CCSER1: variants seen among roughly 807,000 people sequenced by gnomAD.
CCSER1 encodes the protein serine-rich coiled-coil domain-containing protein 1.
Under a neutral mutation model 82.0 loss-of-function variants are expected in CCSER1, and 41 were observed. The ratio of observed to expected loss-of-function variants is 0.50; its 90% CI spans 0.39 to 0.65. The LOEUF is 0.65. Ranked by LOEUF, CCSER1 falls within the 30% of genes least tolerant of loss-of-function variation. The probability of loss-of-function intolerance (pLI) is 0.00; values close to 1 mark genes in which losing one functional copy is unlikely to be tolerated. For missense variants in CCSER1, 1,119 were observed against 1,064.2 expected (o/e 1.05, Z -0.72); for synonymous variants, 414 against 383.9 (o/e 1.08, Z -0.92).
chr4:90,938,240 C>T (rs909501051), intron 9 of CCSER1, among the ~76,000 whole-genome samples: 2 of 151,928 alleles, frequency 1.3e-5, no homozygotes, highest in Non-Finnish European at 2.9e-5. Flanking sequence ...TTATTTAGTA[C>T]TTTGGATGGT....
At chr4:90,171,435 CT>C (rs1731653175) in intron 1 of CCSER1, among the ~76,000 whole-genome samples, 1 of 151,860 alleles carries the variant, frequency 6.6e-6, no homozygotes, top group African/African-American at 2.4e-5. Context: ...CTTGTCTCAG[CT>C]TTGTTTTTGC....
At chr4:91,437,504 G>T (rs1754738670) in intron 10 of CCSER1, among the ~76,000 whole-genome samples, 1 of 152,244 alleles carries the variant, frequency 6.6e-6, no homozygotes, top group African/African-American at 2.4e-5. Flanking sequence ...GGGCAGCCAA[G>T]ATGGCCGAAT....
chr4:90,932,877 G>C (rs1176160605), intron 9 of CCSER1, among the ~76,000 whole-genome samples: 1 of 90,390 alleles, frequency 1.1e-5, no homozygotes, highest in Non-Finnish European at 2.2e-5. Flanking sequence ...AAGAAAGGAA[G>C]GAAGGAAAGA....
intron 10 of CCSER1, among the ~76,000 whole-genome samples, chr4:91,448,619 T>C (rs1755701792): frequency 6.6e-6 from 1 of 152,040 alleles, no homozygotes; most frequent in African/African-American, 2.4e-5. Context: ...CTTGGAATAA[T>C]TTGGCGTTTT....
intron 9 of CCSER1, among the ~76,000 whole-genome samples, chr4:91,037,612 A>G (rs1039061589): frequency 6.6e-6 from 1 of 151,950 alleles, no homozygotes; most frequent in Non-Finnish European, 1.5e-5. Context: ...CTACTTTGTA[A>G]TTCCCCTCTT....
At chr4:90,891,744 T>A (rs1412426831) in intron 8 of CCSER1, among the ~76,000 whole-genome samples, 4 of 152,006 alleles carry the variant, frequency 2.6e-5, no homozygotes, top group Admixed American at 6.6e-5. Context: ...AACCTAAGAG[T>A]GCGGTTTTCA....
At chr4:90,405,621 G>T (rs142771652) in intron 4 of CCSER1, among the ~76,000 whole-genome samples, 1 of 152,220 alleles carries the variant, frequency 6.6e-6, no homozygotes, top group Non-Finnish European at 1.5e-5. Context: ...AAAAGCATCA[G>T]GGAACTTATA....
At chr4:91,567,410 T>C (rs1279308909) in intron 10 of CCSER1, among the ~76,000 whole-genome samples, 1 of 151,930 alleles carries the variant, frequency 6.6e-6, no homozygotes, top group African/African-American at 2.4e-5. Flanking sequence ...TTTGGTCCAA[T>C]GTTGAATTCA....
chr4:91,321,682 A>T (rs1746206120), intron 10 of CCSER1, among the ~76,000 whole-genome samples: 2 of 152,070 alleles, frequency 1.3e-5, no homozygotes, highest in Admixed American at 6.6e-5. Context: ...TTATAAATGA[A>T]ATCATGCTCA....
chr4:91,588,660 T>C (rs1764125351), intron 10 of CCSER1, among the ~76,000 whole-genome samples: 1 of 151,774 alleles, frequency 6.6e-6, no homozygotes, highest in Non-Finnish European at 1.5e-5. Flanking sequence ...TTTGATGTTT[T>C]AAATTCTTTG....
chr4:90,324,532 G>A (rs1278854130), intron 3 of CCSER1, among the ~76,000 whole-genome samples: 1 of 150,472 alleles, frequency 6.6e-6, no homozygotes, highest in Non-Finnish European at 1.5e-5. Flanking sequence ...TTTTTTTCTT[G>A]TAAATTTGTT....
rs532018590 is a variant in CCSER1 at position 90,845,159 on chromosome 4, G to A, written c.2094+29314G>A. Reference sequence around the variant, plus strand: ...AGGCAGATCATGAGGTCAGGAGATCGAGACCATCGTGGCCAACAAGGTGAA... The same window carrying A: ...AGGCAGATCATGAGGTCAGGAGATCAAGACCATCGTGGCCAACAAGGTGAA... On this transcript the variant is annotated intron_variant, in intron 8 of 10. Coordinates refer to ENST00000509176, the MANE Select transcript of CCSER1 (RefSeq NM_001145065.2). 3.9e-5 allele frequency among the ~76,000 whole-genome samples: 6 copies of A among 152,048 alleles called. No individual in the cohort carries two copies. The South Asian group carries it at 8.3e-4, about 21-fold the overall frequency.
chr4:90,703,538 C>A (rs774741711), intron 6 of CCSER1, among the ~76,000 whole-genome samples: 20 of 152,154 alleles, frequency 1.3e-4, no homozygotes, highest in South Asian at 1.0e-3. Flanking sequence ...TGTTAACTTT[C>A]TGTCTCGTTG....
intron 10 of CCSER1, among the ~76,000 whole-genome samples, chr4:91,213,532 T>G (rs2149088314): frequency 6.6e-6 from 1 of 152,186 alleles, no homozygotes; most frequent in South Asian, 2.1e-4. Flanking sequence ...TAATGAAGTA[T>G]GTTTGTCCTC....
chr4:91,392,363 G>GCACACACGCA lies in CCSER1; in HGVS notation c.2218-206202_2218-206201insGCACACACAC, dbSNP rs58770768. 4.2e-3 allele frequency among the ~76,000 whole-genome samples: 628 copies of GCACACACGCA among 148,180 alleles called. 4 individuals carry two copies. The highest frequency in any genetic ancestry group is 0.034 in the South Asian group (160 of 4,658). On this transcript the variant is annotated intron_variant, in intron 10 of 10. Coordinates refer to ENST00000509176, the MANE Select transcript of CCSER1 (RefSeq NM_001145065.2). ...AGTTAGCAATATGAAACCTACACAT[G>GCACACACGCA]CACACACACACACACACACACACAC... is the stretch of plus-strand genomic sequence containing the variant.
intron 10 of CCSER1, among the ~76,000 whole-genome samples, chr4:91,452,765 G>C (rs1463893425): frequency 6.6e-6 from 1 of 151,986 alleles, no homozygotes; most frequent in Non-Finnish European, 1.5e-5. Flanking sequence ...CTTTGTTCTT[G>C]ACAAGCACTG....
chr4:90,868,564 T>C (rs940367302), intron 8 of CCSER1, among the ~76,000 whole-genome samples: 2 of 152,008 alleles, frequency 1.3e-5, no homozygotes, highest in African/African-American at 4.8e-5. Flanking sequence ...TAGTACTCAT[T>C]GTGTGTGTGT....
chr4:90,132,883 C>G (rs1723039005), intron 1 of CCSER1, among the ~76,000 whole-genome samples: 1 of 152,062 alleles, frequency 6.6e-6, no homozygotes, highest in South Asian at 2.1e-4. Context: ...AAATACAGTC[C>G]AAAGGACTTT....
intron 5 of CCSER1, among the ~76,000 whole-genome samples, chr4:90,478,803 C>T (rs1046239762): frequency 2.0e-5 from 3 of 149,746 alleles, no homozygotes; most frequent in Middle Eastern, 3.4e-3. Flanking sequence ...TTCAGTGGCG[C>T]AATCTCGGCT....
Sources: gnomAD v4.1 joint callset for allele counts (sites outside exome capture counted in the v4.1 genomes callset) on GRCh38, gnomAD v4.1.1 for gene constraint, MANE v1.5 for transcripts, NCBI Gene and HGNC (gene_info 2026-07-23, HGNC 2026-07-21) for gene names.